The following TCF12 variants were observed in gnomAD, a reference collection of about 807,000 sequenced individuals.
TCF12 encodes DNA-binding protein HTF4.
A neutral mutation model predicts 86.0 loss-of-function variants in TCF12; 45 were observed. The observed-to-expected ratio is 0.52, with a 90% confidence interval of 0.41 to 0.67. TCF12 has a LOEUF of 0.67. TCF12 is among the 30% of genes least tolerant of loss of function. The pLI, the probability that TCF12 is intolerant of heterozygous loss-of-function variation, is 0.00. For missense variants in TCF12, 881 were observed against 859.9 expected (o/e 1.02, Z -0.31); for synonymous variants, 330 against 299.6 (o/e 1.10, Z -1.05).
chr15:56,923,349 T>C (rs538827328), intron 3 of TCF12, among the ~76,000 whole-genome samples: 1 of 152,126 alleles, frequency 6.6e-6, no homozygotes, highest in Non-Finnish European at 1.5e-5. Flanking sequence ...GGCTGAGTTA[T>C]TTATGAGTGT....
intron 3 of TCF12, among the ~76,000 whole-genome samples, chr15:56,955,275 A>G (rs1384200249): frequency 1.3e-5 from 2 of 152,160 alleles, no homozygotes; most frequent in African/African-American, 4.8e-5. Flanking sequence ...GCTGGAAACC[A>G]TCATTCTCAG....
intron 7 of TCF12, 34 bp downstream of exon 7, chr15:57,192,327 T>C (rs932768595): frequency 8.7e-6 from 14 of 1,602,236 alleles, no homozygotes; most frequent in Non-Finnish European, 1.2e-5. Flanking sequence ...CCATCCCACA[T>C]ATGTTGTTGT....
intron 3 of TCF12, among the ~76,000 whole-genome samples, chr15:56,982,286 G>T (rs1362814628): frequency 1.3e-5 from 2 of 152,110 alleles, no homozygotes; most frequent in African/African-American, 4.8e-5. Flanking sequence ...TAGTTGATAT[G>T]ACTGAATTTA....
intron 5 of TCF12, among the ~76,000 whole-genome samples, chr15:57,132,858 A>G (rs771761686): frequency 9.9e-5 from 15 of 152,134 alleles, no homozygotes; most frequent in South Asian, 2.1e-4. Flanking sequence ...AGCTCTGCCT[A>G]TGTCTAATTA....
chr15:57,051,480 C>T (rs2067611015), intron 3 of TCF12, among the ~76,000 whole-genome samples: 1 of 152,096 alleles, frequency 6.6e-6, no homozygotes, highest in Non-Finnish European at 1.5e-5. Flanking sequence ...GCCTTTTCTG[C>T]CTCCTCTCCT....
At chr15:57,081,961 C>G (rs2048343615) in intron 4 of TCF12, among the ~76,000 whole-genome samples, 2 of 152,166 alleles carry the variant, frequency 1.3e-5, no homozygotes, top group Admixed American at 1.3e-4. Flanking sequence ...AACCACTGAT[C>G]TATCAGCTGT....
chr15:57,079,021 T>G (rs1440386965), intron 4 of TCF12, among the ~76,000 whole-genome samples: 1 of 152,250 alleles, frequency 6.6e-6, no homozygotes, highest in Non-Finnish European at 1.5e-5. Flanking sequence ...TGTGCAAATG[T>G]AATTAACTCA....
At position 57,177,608 on chromosome 15, in the gene TCF12, C is replaced by CAGAGAGAGAGAGAGAGAGAGAGAGAGAG. The variant is rs11270421; in HGVS notation, c.390+11145_390+11172dup. Among the ~76,000 whole-genome samples, 669 of 122,892 alleles carry CAGAGAGAGAGAGAGAGAGAGAGAGAGAG rather than the reference C, an allele frequency of 5.4e-3. 25 individuals are homozygous for CAGAGAGAGAGAGAGAGAGAGAGAGAGAG. Among genetic ancestry groups the CAGAGAGAGAGAGAGAGAGAGAGAGAGAG allele is most frequent in the South Asian group, 0.017 (51 of 3,064 alleles). The allele number at this position is 122,892 out of a possible 152,430, so 80.6% of individuals were successfully genotyped here. A position where few individuals can be genotyped will look rare whatever the true frequency, so the allele number is the denominator to read the frequency against. On this transcript the variant is annotated intron_variant, in intron 6 of 20. Coordinates refer to ENST00000333725, the MANE Select transcript of TCF12 (RefSeq NM_207037.2). ...TAATGTCCTATTTTTGTTAAAAGGC[C>CAGAGAGAGAGAGAGAGAGAGAGAGAGAG]AGAGAGAGAGAGAGAGAGAGAGAGA...
At chr15:57,219,206 T>G (rs2058463198) in intron 8 of TCF12, 1 of 1,096,492 alleles carries the variant, frequency 9.1e-7, no homozygotes, top group East Asian at 4.6e-5. Context: ...AATAATTTCT[T>G]GGGTTATTTT....
At chr15:57,219,316 T>C (rs2058468747) in intron 8 of TCF12, 1 of 1,231,140 alleles carries the variant, frequency 8.1e-7, no homozygotes, top group Non-Finnish European at 1.0e-6. Context: ...AAGGACTTGA[T>C]GGAAATTGAA....
intron 5 of TCF12, among the ~76,000 whole-genome samples, chr15:57,121,800 TG>T (rs2051252006): frequency 6.6e-6 from 1 of 152,212 alleles, no homozygotes; most frequent in African/African-American, 2.4e-5. Context: ...GCAGCACAAA[TG>T]GTCTGACAGT....
At chr15:57,061,399 C>T (rs2068448922) in intron 3 of TCF12, among the ~76,000 whole-genome samples, 1 of 151,976 alleles carries the variant, frequency 6.6e-6, no homozygotes, top group African/African-American at 2.4e-5. Context: ...TCAAGACCAA[C>T]CTAGGCAACA....
At chr15:57,230,304 T>A (rs1318549811) in intron 8 of TCF12, among the ~76,000 whole-genome samples, 1 of 152,030 alleles carries the variant, frequency 6.6e-6, no homozygotes, top group Non-Finnish European at 1.5e-5. Flanking sequence ...TACCTTTCTC[T>A]TCTTCCTGAC....
chr15:57,060,226 G>A (rs936947381), intron 3 of TCF12, among the ~76,000 whole-genome samples: 1 of 152,150 alleles, frequency 6.6e-6, no homozygotes, highest in Non-Finnish European at 1.5e-5. Flanking sequence ...AAAGAAAGAG[G>A]CGGATTGCTT....
chr15:57,285,136 C>T (rs1481325866), intron 20 of TCF12, among the ~76,000 whole-genome samples: 1 of 152,172 alleles, frequency 6.6e-6, no homozygotes, highest in African/African-American at 2.4e-5. Context: ...GACAGGGCAG[C>T]AGGAACAATG....
Position 57,231,168 on chromosome 15 carries a change from C to G in TCF12, c.596C>G (p.Pro199Arg), listed in dbSNP as rs1270527636. Residue 199 changes from proline (P) to arginine (R), a missense_variant, in exon 9 of 21, where the codon CCA becomes CGA. This residue lies in a region of TCF12 where 766 missense variants were observed against 718.9 expected (regional missense o/e 1.07). Transcript: ENST00000333725. ...GLPSSVYAPS[P>R]NSDDFNRESP... ...AATTTTAAGGTATATGCACCATCCCCAAATTCAGATGATTTCAACCGTGAA... is the reference window on the plus strand; with the variant it reads ...AATTTTAAGGTATATGCACCATCCCGAAATTCAGATGATTTCAACCGTGAA... The G allele has an allele frequency of 1.2e-6, 2 of 1,612,594 alleles. No homozygotes were observed. Among genetic ancestry groups the G allele is most frequent in the East Asian group, 4.5e-5 (2 of 44,790 alleles).
chr15:57,233,006 ATGTGT>A, intron 11 of TCF12, 150 bp downstream of exon 11: 1 of 410,118 alleles, frequency 2.4e-6, no homozygotes, highest in Non-Finnish European at 3.6e-6. Context: ...ATATGTATAT[ATGTGT>A]TATATATGTA....
intron 20 of TCF12, among the ~76,000 whole-genome samples, chr15:57,284,046 G>A (rs909900484): frequency 1.2e-4 from 18 of 152,140 alleles, no homozygotes; most frequent in African/African-American, 3.9e-4. Context: ...ACATGTCAGG[G>A]ACTTTAGGCA....
intron 3 of TCF12, among the ~76,000 whole-genome samples, chr15:56,936,680 T>C (rs572208444): frequency 1.3e-5 from 2 of 152,296 alleles, no homozygotes; most frequent in African/African-American, 4.8e-5. Context: ...AGGATCCAAT[T>C]TCGTTCTCTT....
Sources: gnomAD v4.1 joint callset for allele counts (sites outside exome capture counted in the v4.1 genomes callset) on GRCh38, gnomAD v4.1.1 for gene constraint, gnomAD v4.1.1 regional missense constraint, MANE v1.5 for transcripts, NCBI Gene and HGNC (gene_info 2026-07-23, HGNC 2026-07-21) for gene names.